The following KNSTRN variants were observed in gnomAD, a reference collection of about 807,000 sequenced individuals.
KNSTRN encodes kinetochore localized astrin (SPAG5) binding protein, also known as small kinetochore-associated protein.
Under a neutral mutation model 44.7 loss-of-function variants are expected in KNSTRN, and 38 were observed. The observed-to-expected ratio is 0.85, with a 90% CI of 0.66 to 1.11. The LOEUF (loss-of-function observed/expected upper bound fraction) is 1.11, where lower values mean the gene tolerates loss of function less well. Among genes scored for constraint, KNSTRN ranks in the 50% most tolerant of loss-of-function variants. KNSTRN has a pLI of 0.00. For synonymous variants in KNSTRN, 158 were observed against 148.1 expected (o/e 1.07, Z -0.48); for missense variants, 406 against 375.8 (o/e 1.08, Z -0.66).
Position 40,383,247 on chromosome 15 carries a change from G to A in KNSTRN, c.229G>A (p.Val77Ile). 1.2e-6 allele frequency: 2 copies of A among 1,614,102 alleles called. No individual in the cohort carries two copies. The highest frequency in any genetic ancestry group is 2.2e-5 in the South Asian group (2 of 91,078). ...RAPGVQPCRL[V>I]TMTSVVKTVY... Reference sequence around the variant, plus strand: ...TTCCAGGGTTCAGCCGTGCCGCCTCGTTACGATGACCAGTGTGGTTAAGAC... The same window carrying A: ...TTCCAGGGTTCAGCCGTGCCGCCTCATTACGATGACCAGTGTGGTTAAGAC... The change falls in exon 2 of 9, where the codon GTT becomes ATT. Residue 77 changes from valine to isoleucine, a missense_variant. Coordinates refer to ENST00000249776, the MANE Select transcript of KNSTRN (RefSeq NM_033286.4).
intron 4 of KNSTRN, 40 bp downstream of exon 4, chr15:40,387,246 G>A (rs754368650): frequency 2.4e-5 from 35 of 1,447,380 alleles, no homozygotes; most frequent in Non-Finnish European, 3.1e-5. Flanking sequence ...CTATTCTAGG[G>A]TAGTGGATCT....
At position 40,392,186 on chromosome 15, in the gene KNSTRN, G is replaced by GTTTTT. The variant is rs10681422; in HGVS notation, c.822+170_822+174dup. 3.4e-5 allele frequency among the ~76,000 whole-genome samples: 5 copies of GTTTTT among 149,078 alleles called. No homozygotes were observed. The East Asian group carries it at 9.7e-4, about 29-fold the overall frequency. ...AGAAAATTTACCCTGATAGTAACGT[G>GTTTTT]TTTTTTTTTTTCCAACTTTTAAGTT... On this transcript the variant is annotated intron_variant, in intron 8 of 8. Coordinates refer to ENST00000249776, the MANE Select transcript of KNSTRN (RefSeq NM_033286.4).
rs749906792 is a variant in KNSTRN at position 40,389,888 on chromosome 15, A to T, written c.644A>T (p.Asp215Val). The T allele has an allele frequency of 6.2e-7, 1 of 1,614,202 alleles. No homozygotes were observed. The highest frequency in any genetic ancestry group is 8.5e-7 in the Non-Finnish European group (1 of 1,180,022). The change falls in exon 6 of 9, where the codon GAC becomes GTC. Residue 215 changes from aspartate to valine, a missense_variant. Physicochemically the swap from Asp to Val is radical, Grantham distance 152. Transcript: ENST00000249776. The stretch of plus-strand genomic sequence containing the variant: ...GTAGAGCTGCTGGAGAAGTTTCGGG[A>T]CAACTGTTTGGCAATTTTGGAGAGC... ...QKVELLEKFR[D>V]NCLAILESKG... is the part of the protein sequence containing the mutation.
At position 40,389,536 on chromosome 15, in the gene KNSTRN, G is replaced by C. The variant is rs763375505; in HGVS notation, c.516G>C (p.Glu172Asp). The stretch of plus-strand genomic sequence containing the variant: ...AACCACTGAGTAAGCAAAAATCAGA[G>C]GAAGAGCTCAAGGACAAGAACCAGC... ...GYKPLSKQKS[E>D]EELKDKNQLL... Residue 172 changes from glutamate (E) to aspartate (D), a missense_variant, in exon 5 of 9, where the codon GAG becomes GAC. Transcript: ENST00000249776. 1 of 1,614,040 alleles carries C rather than the reference G, an allele frequency of 6.2e-7. No individual in the cohort carries two copies. Among genetic ancestry groups the C allele is most frequent in the East Asian group, 2.2e-5 (1 of 44,884 alleles).
chr15:40,388,959 G>C (rs530481617), intron 4 of KNSTRN, among the ~76,000 whole-genome samples: 1 of 152,300 alleles, frequency 6.6e-6, no homozygotes, highest in Admixed American at 6.5e-5. Context: ...ACTGGGCTAA[G>C]AAATGCACAC....
intron 2 of KNSTRN, chr15:40,384,426 A>G: frequency 2.2e-6 from 1 of 455,504 alleles, no homozygotes; most frequent in South Asian, 1.6e-5. Context: ...CAAAGGCTTA[A>G]TGGGTTGTTT....
At chr15:40,385,655 G>A (rs1195163249) in intron 2 of KNSTRN, among the ~76,000 whole-genome samples, 1 of 152,166 alleles carries the variant, frequency 6.6e-6, no homozygotes, top group African/African-American at 2.4e-5. Context: ...CGAAGTAACG[G>A]TTTAAAAAAA....
chr15:40,387,848 A>C (rs1170168874), intron 4 of KNSTRN, among the ~76,000 whole-genome samples: 1 of 152,062 alleles, frequency 6.6e-6, no homozygotes, highest in Non-Finnish European at 1.5e-5. Context: ...TCTCTACTAA[A>C]AATACAAAAA....
chr15:40,390,903 C>G (rs1889986372), intron 6 of KNSTRN, among the ~76,000 whole-genome samples: 1 of 152,096 alleles, frequency 6.6e-6, no homozygotes, highest in Non-Finnish European at 1.5e-5. Context: ...ACATGAGTTA[C>G]CATGCCCAGC....
rs757403176 is a variant in KNSTRN at position 40,391,520 on chromosome 15, G to C, written c.713G>C (p.Arg238Pro). Residue 238 changes from arginine (R) to proline (P), a missense_variant, in exon 7 of 9, where the codon CGA becomes CCA. Arg to Pro is a moderately radical substitution (Grantham distance 103, BLOSUM62 -2). Coordinates refer to ENST00000249776, the MANE Select transcript of KNSTRN (RefSeq NM_033286.4). ...PALGSETLAS[R>P]QESTTDHMDS... ...TTAGGCAGTGAGACCCTGGCATCAC[G>C]ACAAGAATCCACTACTGATCACATG... 1.3e-5 allele frequency: 21 copies of C among 1,613,828 alleles called. No individual in the cohort carries two copies. In the Admixed American group the frequency reaches 3.3e-4, roughly 26 times the overall value.
intron 2 of KNSTRN, chr15:40,384,444 T>C (rs763923419): frequency 8.8e-6 from 4 of 455,764 alleles, no homozygotes; most frequent in Non-Finnish European, 1.8e-5. Context: ...TTTGTTGTCT[T>C]GTGTTGCCGC....
Position 40,391,952 on chromosome 15 carries a change from C to G in KNSTRN, c.751C>G (p.Leu251Val). ...CTACATTGTGCTTTCCTCTTAGTTG[C>G]TGTTAGAAACTTTGCAAGAGGAGCT... ...STTDHMDSML[L>V]LETLQEELKL... Residue 251 changes from leucine (L) to valine (V), a missense_variant, in exon 8 of 9, where the codon CTG (leucine) becomes GTG (valine). Transcript: ENST00000249776. 2 of 1,606,270 alleles carry G rather than the reference C, an allele frequency of 1.2e-6. No individual in the cohort carries two copies. The highest frequency in any genetic ancestry group is 8.5e-7 in the Non-Finnish European group (1 of 1,177,704).
chr15:40,393,339 A>C, intron 8 of KNSTRN, 130 bp from the exon 9 acceptor site: 1 of 1,600,746 alleles, frequency 6.2e-7, no homozygotes, highest in Non-Finnish European at 8.5e-7. Flanking sequence ...TAGAAGATAC[A>C]GTCTGTTGAT....
Position 40,386,404 on chromosome 15 carries a change from G to A in KNSTRN, c.347G>A (p.Arg116Lys). The A allele has an allele frequency of 6.2e-7, 1 of 1,614,072 alleles. No individual in the cohort carries two copies. Among genetic ancestry groups the A allele is most frequent in the Non-Finnish European group, 8.5e-7 (1 of 1,180,016 alleles). ...ACTTCTAAGAGTCTCTTACCTGTTA[G>A]GTCCAAAGAAGTCGATGTTTCCAAA... ...RATSKSLLPV[R>K]SKEVDVSKQL... The change falls in exon 3 of 9, where the codon AGG becomes AAG. Residue 116 changes from arginine to lysine, a missense_variant. Transcript: ENST00000249776.
chr15:40,383,348 C>A, intron 2 of KNSTRN, 26 bp downstream of exon 2: 3 of 1,571,886 alleles, frequency 1.9e-6, no homozygotes, highest in Non-Finnish European at 2.6e-6. Context: ...ACGCCCGGGG[C>A]ACTGCGGCCT....
At position 40,389,542 on chromosome 15, in the gene KNSTRN, G is replaced by A. The variant is rs766743213; in HGVS notation, c.522G>A (p.Glu174=). 6.2e-7 allele frequency: 1 copy of A among 1,614,098 alleles called. No homozygotes were observed. Among genetic ancestry groups the A allele is most frequent in the South Asian group, 1.1e-5 (1 of 91,080 alleles). ...TGAGTAAGCAAAAATCAGAGGAAGA[G>A]CTCAAGGACAAGAACCAGCTGTTAG... The part of the protein sequence containing the change: ...KPLSKQKSEE[E]LKDKNQLLEA... Residue 174 remains glutamate (E), a synonymous_variant, in exon 5 of 9, where the codon GAG becomes GAA. Transcript: ENST00000249776.
rs768711798 is a variant in KNSTRN at position 40,393,604 on chromosome 15, G to A, written c.*7G>A. The A allele has an allele frequency of 3.3e-5, 53 of 1,612,696 alleles. No individual in the cohort carries two copies. Among genetic ancestry groups the A allele is most frequent in the Non-Finnish European group, 4.2e-5 (50 of 1,179,490 alleles). On this transcript the variant is annotated 3_prime_UTR_variant, in exon 9 of 9. Coordinates refer to ENST00000249776, the MANE Select transcript of KNSTRN (RefSeq NM_033286.4). ...GCAGCTATTAGAAATGTAAGAAGAA[G>A]CAAGTGGCCAGATGGCTCCCTCTTG...
chr15:40,388,276 T>C (rs1403588147), intron 4 of KNSTRN, among the ~76,000 whole-genome samples: 2 of 152,208 alleles, frequency 1.3e-5, no homozygotes, highest in African/African-American at 2.4e-5. Context: ...TTTCTATAGA[T>C]AGTAAATTAA....
At chr15:40,392,075 T>C (rs1346468092) in intron 8 of KNSTRN, 52 bp downstream of exon 8, 1 of 1,078,780 alleles carries the variant, frequency 9.3e-7, no homozygotes, top group South Asian at 1.7e-5. Flanking sequence ...GGTAGATTTA[T>C]AGTGGGGTCT....
Sources: gnomAD v4.1 joint callset for allele counts (sites outside exome capture counted in the v4.1 genomes callset) on GRCh38, gnomAD v4.1.1 for gene constraint, MANE v1.5 for transcripts, NCBI Gene and HGNC (gene_info 2026-07-23, HGNC 2026-07-21) for gene names.